SLC15A1: variants seen among roughly 807,000 people sequenced by gnomAD.
SLC15A1 encodes Caco-2 oligopeptide transporter.
SLC15A1 carries 83 observed loss-of-function variants against 92.9 expected under a neutral mutation model. The observed-to-expected ratio is 0.89, with a 90% confidence interval of 0.75 to 1.07. SLC15A1 has a LOEUF of 1.07. Ranked by LOEUF, SLC15A1 falls within the 50% of genes least tolerant of loss-of-function variation. The pLI is 0.00. For synonymous variants in SLC15A1, 322 were observed against 318.2 expected (o/e 1.01, Z -0.13); for missense variants, 857 against 880.1 (o/e 0.97, Z 0.33).
In SLC15A1 at chr13:98,735,275, C is replaced by T. The variant is rs1327123534; in HGVS notation, c.5-8416G>A. On this transcript the variant is annotated intron_variant, in intron 1 of 22. Transcript: ENST00000376503. ...TCAATAGATGAAGAAAAGACTTTGACGAAATTCAACAGCCTTCATGCTAAA... is the reference window on the plus strand; with the variant it reads ...TCAATAGATGAAGAAAAGACTTTGATGAAATTCAACAGCCTTCATGCTAAA... Among the ~76,000 whole-genome samples, 7 of 152,156 alleles carry T rather than the reference C, an allele frequency of 4.6e-5. No homozygotes were observed. The East Asian group carries it at 5.8e-4, about 13-fold the overall frequency.
At chr13:98,740,257 GGTGCTT>G (rs1353099183) in intron 1 of SLC15A1, among the ~76,000 whole-genome samples, 1 of 152,212 alleles carries the variant, frequency 6.6e-6, no homozygotes, top group Non-Finnish European at 1.5e-5. Context: ...GGGGCAGGGA[GGTGCTT>G]GCTAGGCACG....
chr13:98,688,601 T>G (rs2087951170), intron 18 of SLC15A1, 24 bp from the exon 19 acceptor site: 3 of 1,534,168 alleles, frequency 2.0e-6, no homozygotes, highest in Non-Finnish European at 2.7e-6. Context: ...CCATCTGTCT[T>G]GTAACTGAAC....
At chr13:98,704,173 A>G (rs2088092278) in intron 17 of SLC15A1, 116 bp downstream of exon 17, 1 of 922,312 alleles carries the variant, frequency 1.1e-6, no homozygotes, top group African/African-American at 1.7e-5. Flanking sequence ...GAAGGAAGAA[A>G]TTGAGGATGA....
At chr13:98,726,785 A>G in intron 2 of SLC15A1, 58 bp downstream of exon 2, 1 of 1,545,086 alleles carries the variant, frequency 6.5e-7, no homozygotes, top group Non-Finnish European at 9.0e-7. Context: ...CTTAGGGGTA[A>G]AACAGATGAT....
rs2274827 is a variant in SLC15A1 at position 98,704,330 on chromosome 13, G to C, written c.1375C>G (p.Arg459Gly). 5 of 1,613,750 alleles carry C rather than the reference G, an allele frequency of 3.1e-6. No individual in the cohort carries two copies. Among genetic ancestry groups the C allele is most frequent in the Non-Finnish European group, 4.2e-6 (5 of 1,179,822 alleles). Residue 459 changes from arginine to glycine, a missense_variant, in exon 17 of 23, where the codon CGC (arginine) becomes GGC (glycine). Transcript: ENST00000376503. ...GGGGCCCACACTAGAAGCGTGTGGC[G>C]TTGGCCCTGCTTGAAGTCGTCAGTT... ...AVTDDFKQGQ[R>G]HTLLVWAPNH...
intron 1 of SLC15A1, among the ~76,000 whole-genome samples, chr13:98,742,731 C>A (rs565637286): frequency 6.6e-6 from 1 of 152,282 alleles, no homozygotes; most frequent in East Asian, 1.9e-4. Flanking sequence ...GGCGCTTGCC[C>A]TGTGTATGAG....
intron 8 of SLC15A1, among the ~76,000 whole-genome samples, chr13:98,718,276 T>A (rs1223054603): frequency 6.9e-6 from 1 of 144,186 alleles, no homozygotes; most frequent in African/African-American, 2.6e-5. Context: ...GTTCAGCTAA[T>A]CCAGCAGATT....
chr13:98,728,042 C>A (rs1010902900), intron 1 of SLC15A1, among the ~76,000 whole-genome samples: 4 of 152,222 alleles, frequency 2.6e-5, no homozygotes, highest in African/African-American at 7.2e-5. Flanking sequence ...TTCTAACAAG[C>A]TCCCAGGTGT....
At chr13:98,696,189 G>A (rs144488572) in intron 18 of SLC15A1, among the ~76,000 whole-genome samples, 2,246 of 151,540 alleles carry the variant, frequency 0.015, 55 homozygotes, top group African/African-American at 0.052. Context: ...TGAGGTGGGC[G>A]GATCACTTGA....
chr13:98,726,928 A>C, intron 1 of SLC15A1, 69 bp from the exon 2 acceptor site: 4 of 1,518,438 alleles, frequency 2.6e-6, no homozygotes, highest in Non-Finnish European at 2.7e-6. Context: ...GTCTAAACTC[A>C]GAGCCTCTGA....
intron 1 of SLC15A1, among the ~76,000 whole-genome samples, chr13:98,740,681 C>G (rs2088436936): frequency 6.6e-6 from 1 of 152,174 alleles, no homozygotes; most frequent in Non-Finnish European, 1.5e-5. Flanking sequence ...TAGGTTGTCT[C>G]TCACTTCTTT....
At chr13:98,715,312 T>A (rs1220839352) in intron 9 of SLC15A1, among the ~76,000 whole-genome samples, 1 of 152,128 alleles carries the variant, frequency 6.6e-6, no homozygotes, top group Non-Finnish European at 1.5e-5. Context: ...GTAGCTGGGA[T>A]TACAGGCACC....
chr13:98,748,567 T>TG (rs1429728236), intron 1 of SLC15A1, among the ~76,000 whole-genome samples: 2 of 152,136 alleles, frequency 1.3e-5, no homozygotes, highest in Non-Finnish European at 2.9e-5. Context: ...AACGCTGAGA[T>TG]TACAGGCGTA....
intron 18 of SLC15A1, among the ~76,000 whole-genome samples, chr13:98,701,942 T>A (rs949378938): frequency 6.6e-6 from 1 of 152,196 alleles, no homozygotes; most frequent in Non-Finnish European, 1.5e-5. Context: ...CCCAAAGTGC[T>A]GGGATTACAG....
At chr13:98,725,173 G>C (rs1201038119) in intron 4 of SLC15A1, among the ~76,000 whole-genome samples, 1 of 152,226 alleles carries the variant, frequency 6.6e-6, no homozygotes, top group Non-Finnish European at 1.5e-5. Context: ...AGCAGCCTGA[G>C]ACTTTCATCA....
chr13:98,716,809 A>G (rs2088214603), intron 8 of SLC15A1, among the ~76,000 whole-genome samples: 1 of 152,196 alleles, frequency 6.6e-6, no homozygotes, highest in East Asian at 1.9e-4. Flanking sequence ...ACAGTTTTAC[A>G]AAAGTTAGAA....
intron 18 of SLC15A1, among the ~76,000 whole-genome samples, chr13:98,698,668 C>T (rs1319007903): frequency 6.6e-6 from 1 of 152,136 alleles, no homozygotes; most frequent in East Asian, 1.9e-4. Context: ...AACTCCTGAC[C>T]TCAGGTGATC....
chr13:98,708,443 C>A (rs1165869282), intron 15 of SLC15A1, among the ~76,000 whole-genome samples: 4 of 152,184 alleles, frequency 2.6e-5, no homozygotes, highest in African/African-American at 9.7e-5. Flanking sequence ...CTGTAAACTT[C>A]TTTTCCATTA....
Position 98,698,395 on chromosome 13 carries a change from C to T in SLC15A1, c.1466+4085G>A, listed in dbSNP as rs76365810. On this transcript the variant is annotated intron_variant, in intron 18 of 22. Transcript: ENST00000376503. ...AGGAGGTGAGATGAAAAGTAAAAGT[C>T]CATTTCACCACCATTTGTATTAGTA... Among the ~76,000 whole-genome samples the T allele has an allele frequency of 9.2e-3, 1,394 of 152,056 alleles. 9 individuals are homozygous for T. Among genetic ancestry groups the T allele is most frequent in the Non-Finnish European group, 0.014 (977 of 67,988 alleles).
Sources: allele counts gnomAD v4.1 joint callset (sites outside exome capture counted in the v4.1 genomes callset), GRCh38; gene constraint gnomAD v4.1.1; transcripts MANE v1.5; gene names NCBI Gene and HGNC (gene_info 2026-07-23, HGNC 2026-07-21).